The following GRM7 variants were observed in gnomAD, a reference collection of about 807,000 sequenced individuals.
GRM7 encodes glutamate metabotropic receptor 7.
GRM7 carries 35 observed loss-of-function variants against 84.5 expected under a neutral mutation model. The observed-to-expected ratio is 0.41, with a 90% CI of 0.32 to 0.55. The LOEUF (loss-of-function observed/expected upper bound fraction) is 0.55, where lower values mean the gene tolerates loss of function less well. Ranked by LOEUF, GRM7 falls within the 20% of genes least tolerant of loss-of-function variation. GRM7 has a pLI of 0.19. For missense variants in GRM7, 1,003 were observed against 1,194.6 expected (o/e 0.84, Z 2.36); for synonymous variants, 487 against 455.1 (o/e 1.07, Z -0.89).
intron 1 of GRM7, among the ~76,000 whole-genome samples, chr3:7,143,447 A>G (rs979820995): frequency 2.0e-5 from 3 of 152,128 alleles, no homozygotes; most frequent in African/African-American, 7.2e-5. Context: ...TAGTGTCAAA[A>G]TAAGTACCAT....
At chr3:7,471,515 A>G (rs1254291229) in intron 7 of GRM7, among the ~76,000 whole-genome samples, 3 of 152,116 alleles carry the variant, frequency 2.0e-5, no homozygotes, top group Non-Finnish European at 2.9e-5. Context: ...CAAAGCTGGC[A>G]ATGGCAGGTC....
chr3:7,534,012 CTTTTTT>C (rs3034006), intron 7 of GRM7, among the ~76,000 whole-genome samples: 14 of 111,600 alleles, frequency 1.3e-4, no homozygotes, highest in Admixed American at 9.5e-4. Context: ...GGGCTGAATA[CTTTTTT>C]TTTTTTTTTT....
intron 8 of GRM7, among the ~76,000 whole-genome samples, chr3:7,651,679 C>T (rs74384450): frequency 0.016 from 2,391 of 152,286 alleles, 63 homozygotes; most frequent in African/African-American, 0.055. Context: ...CAAAGAGGTC[C>T]TCTTCTCTGT....
At chr3:7,455,802 A>T (rs1027636576) in intron 6 of GRM7, among the ~76,000 whole-genome samples, 1 of 152,172 alleles carries the variant, frequency 6.6e-6, no homozygotes, top group Non-Finnish European at 1.5e-5. Flanking sequence ...ACATTTACAG[A>T]TTAATTTTAG....
chr3:7,681,169 G>A (rs528015644), intron 9 of GRM7: 7 of 152,106 alleles, frequency 4.6e-5, no homozygotes, highest in Non-Finnish European at 1.0e-4. Context: ...GGAATATTTT[G>A]GCTAGTTGCA....
chr3:6,861,406 G>C lies in GRM7; in HGVS notation c.18G>C (p.Lys6Asn), dbSNP rs1255012747. 1 of 1,587,406 alleles carries C rather than the reference G, an allele frequency of 6.3e-7. No homozygotes were observed. The highest frequency in any genetic ancestry group is 1.3e-5 in the African/African-American group (1 of 74,144). MVQLR[K>N]LLRVLTLMKF... ...GGAGCAGCATGGTCCAGCTGAGGAA[G>C]CTGCTCCGCGTCCTGACTTTGATGA... Residue 6 changes from lysine (K) to asparagine (N), a missense_variant, in exon 1 of 10, where the codon AAG (lysine) becomes AAC (asparagine). This residue lies in a region of GRM7 where 93 missense variants were observed against 68.6 expected (regional missense o/e 1.36). Transcript: ENST00000357716. This position sits in a 1 kb window ranked among gnomAD's most constrained non-coding sequence, Gnocchi z 6.4.
intron 2 of GRM7, among the ~76,000 whole-genome samples, chr3:7,232,667 A>G (rs1221275996): frequency 6.6e-6 from 1 of 152,200 alleles, no homozygotes; most frequent in Non-Finnish European, 1.5e-5. Context: ...ATCATGTGTC[A>G]AGCACTGTGT....
At position 7,399,438 on chromosome 3, in the gene GRM7, T is replaced by C. The variant is rs534637946; in HGVS notation, c.1034-15585T>C. On this transcript the variant is annotated intron_variant, in intron 4 of 9. Transcript: ENST00000357716. ...TGAGCCCAGGCTCTGGAGCCAAAGATCTGAATGAAATCTCATTTCCTCCGG... is the reference window on the plus strand; with the variant it reads ...TGAGCCCAGGCTCTGGAGCCAAAGACCTGAATGAAATCTCATTTCCTCCGG... Among the ~76,000 whole-genome samples, 8 of 152,190 alleles carry C rather than the reference T, an allele frequency of 5.3e-5. No individual in the cohort carries two copies. In the South Asian group the frequency reaches 1.7e-3, roughly 32 times the overall value.
chr3:7,550,514 T>C (rs530451341), intron 7 of GRM7, among the ~76,000 whole-genome samples: 28 of 145,690 alleles, frequency 1.9e-4, no homozygotes, highest in African/African-American at 6.3e-4. Context: ...TTCCTTCTTA[T>C]TCTTCTTCTT....
chr3:7,128,025 G>T (rs1324438278), intron 1 of GRM7, among the ~76,000 whole-genome samples: 1 of 151,604 alleles, frequency 6.6e-6, no homozygotes, highest in Non-Finnish European at 1.5e-5. Flanking sequence ...AGAGATAAAG[G>T]TAAAAGATGG....
chr3:7,412,734 G>T (rs1695995143), intron 4 of GRM7, among the ~76,000 whole-genome samples: 1 of 151,978 alleles, frequency 6.6e-6, no homozygotes, highest in Non-Finnish European at 1.5e-5. Context: ...ATTAATTTTT[G>T]AAATTAAATT....
At chr3:7,353,026 G>A (rs193184258) in intron 4 of GRM7, among the ~76,000 whole-genome samples, 1 of 152,222 alleles carries the variant, frequency 6.6e-6, no homozygotes, top group African/African-American at 2.4e-5. Context: ...ATGGCTACAG[G>A]AGAGAAGGTC....
At chr3:7,276,438 G>A (rs1007439508) in intron 2 of GRM7, among the ~76,000 whole-genome samples, 1 of 151,802 alleles carries the variant, frequency 6.6e-6, no homozygotes, top group Non-Finnish European at 1.5e-5. Context: ...GCATTGCATG[G>A]CGATCCTCCC....
At chr3:7,527,654 T>C (rs371446729) in intron 7 of GRM7, among the ~76,000 whole-genome samples, 11 of 152,178 alleles carry the variant, frequency 7.2e-5, no homozygotes, top group African/African-American at 1.2e-4. Flanking sequence ...TAGTATGATA[T>C]TGGCTATGGG....
chr3:7,691,536 G>A (rs1408443129), intron 9 of GRM7, among the ~76,000 whole-genome samples: 3 of 152,162 alleles, frequency 2.0e-5, no homozygotes, highest in East Asian at 1.9e-4. Flanking sequence ...ATCTTGATGA[G>A]GTACCATGGA....
chr3:7,637,182 C>T (rs1698134947), intron 8 of GRM7, among the ~76,000 whole-genome samples: 1 of 152,164 alleles, frequency 6.6e-6, no homozygotes, highest in Non-Finnish European at 1.5e-5. Flanking sequence ...CTCATACTGA[C>T]ACCCAGGCTA....
intron 8 of GRM7, among the ~76,000 whole-genome samples, chr3:7,638,961 G>T (rs976382938): frequency 1.3e-5 from 2 of 152,166 alleles, no homozygotes; most frequent in African/African-American, 4.8e-5. Flanking sequence ...AAATGTGCTT[G>T]TCTTCCCAGG....
At chr3:7,141,045 A>G (rs1000219805) in intron 1 of GRM7, among the ~76,000 whole-genome samples, 1 of 152,124 alleles carries the variant, frequency 6.6e-6, no homozygotes, top group Admixed American at 6.6e-5. Context: ...AAGATAAGAA[A>G]TTAGAATGAT....
At position 7,090,154 on chromosome 3, in the gene GRM7, T is replaced by C. The variant is rs544462447; in HGVS notation, c.520-56298T>C. Among the ~76,000 whole-genome samples the C allele has an allele frequency of 3.8e-4, 58 of 152,212 alleles. No homozygotes were observed. In the South Asian group the frequency reaches 0.011, roughly 28 times the overall value. ...CACCGTGCCCAGCCTTAAATTAATA[T>C]TGAATTAAAAATAGATGGATTAAAA... On this transcript the variant is annotated intron_variant, in intron 1 of 9. Coordinates refer to ENST00000357716, the MANE Select transcript of GRM7 (RefSeq NM_000844.4).
Sources: allele counts gnomAD v4.1 joint callset (sites outside exome capture counted in the v4.1 genomes callset), GRCh38; gene constraint gnomAD v4.1.1; regional missense constraint gnomAD v4.1.1; non-coding constraint Gnocchi (gnomAD v3.1); transcripts MANE v1.5; gene names NCBI Gene and HGNC (gene_info 2026-07-23, HGNC 2026-07-21).